Variants in HUNK observed in about 807,000 individuals in gnomAD.
HUNK encodes hormonally up-regulated Neu-associated kinase, also known as hormonally up-regulated neu tumor-associated kinase.
A neutral mutation model predicts 61.0 loss-of-function variants in HUNK; 21 were observed. The ratio of observed to expected loss-of-function variants is 0.34; its 90% CI spans 0.24 to 0.50. HUNK has a LOEUF of 0.50. Ranked by LOEUF, HUNK falls within the 20% of genes least tolerant of loss-of-function variation. HUNK has a pLI of 0.98. For synonymous variants in HUNK, 371 were observed against 386.1 expected (o/e 0.96, Z 0.46); for missense variants, 772 against 945.7 (o/e 0.82, Z 2.41).
chr21:31,973,537 G>C (rs9982084), intron 6 of HUNK, among the ~76,000 whole-genome samples: 87,089 of 151,872 alleles, frequency 0.57, 25,087 homozygotes, highest in South Asian at 0.62. Flanking sequence ...CCCTCCCCCT[G>C]ATTTCTCAGT....
intron 5 of HUNK, among the ~76,000 whole-genome samples, chr21:31,962,546 T>G (rs2052936043): frequency 6.6e-6 from 1 of 152,358 alleles, no homozygotes; most frequent in Admixed American, 6.5e-5. Context: ...TCACTGGAAT[T>G]GCTGTCCAAC....
At chr21:31,899,080 T>TG (rs2052445321) in intron 1 of HUNK, among the ~76,000 whole-genome samples, 1 of 152,168 alleles carries the variant, frequency 6.6e-6, no homozygotes, top group African/African-American at 2.4e-5. Flanking sequence ...AAACTCATTC[T>TG]GCACTTGGTG....
At chr21:31,899,422 G>A (rs1271948016) in intron 1 of HUNK, among the ~76,000 whole-genome samples, 2 of 152,028 alleles carry the variant, frequency 1.3e-5, no homozygotes, top group South Asian at 2.1e-4. Flanking sequence ...GCAAATTCGC[G>A]TGACCTTTGC....
chr21:31,975,861 T>A (rs2053045062), intron 7 of HUNK, among the ~76,000 whole-genome samples: 1 of 152,204 alleles, frequency 6.6e-6, no homozygotes, highest in Admixed American at 6.5e-5. Context: ...GTGTCTTTTG[T>A]TAGCAAATGG....
At chr21:31,890,410 G>A (rs2052378903) in intron 1 of HUNK, among the ~76,000 whole-genome samples, 1 of 152,098 alleles carries the variant, frequency 6.6e-6, no homozygotes. Context: ...TGTATTTTTA[G>A]TAGAGACGGG....
At chr21:31,956,567 T>C (rs76352862) in intron 4 of HUNK, among the ~76,000 whole-genome samples, 13,536 of 152,140 alleles carry the variant, frequency 0.089, 635 homozygotes, top group East Asian at 0.16. Context: ...GCCCTGATAC[T>C]CCTTCCCTGC....
In HUNK at chr21:32,001,027, T is replaced by G. The variant is rs2053241969; in HGVS notation, c.*1843T>G. 1 of 272,368 alleles carries G rather than the reference T, an allele frequency of 3.7e-6. No homozygotes were observed. 16.9% of individuals were successfully genotyped at this position (272,368 alleles called of 1,614,324 possible). On this transcript the variant is annotated 3_prime_UTR_variant, in exon 11 of 11. Coordinates refer to ENST00000270112, the MANE Select transcript of HUNK (RefSeq NM_014586.2). ...TGGCTCACACCTGTAATCCCAGCACTTTGGGAGGCCGAGGCAGGTGGATCG... is the reference window on the plus strand; with the variant it reads ...TGGCTCACACCTGTAATCCCAGCACGTTGGGAGGCCGAGGCAGGTGGATCG...
chr21:31,895,380 C>T (rs532374786), intron 1 of HUNK, among the ~76,000 whole-genome samples: 68 of 152,266 alleles, frequency 4.5e-4, no homozygotes, highest in African/African-American at 1.6e-3. Flanking sequence ...AAAAATTCTC[C>T]CCAGTGTTGA....
chr21:31,975,549 AT>A (rs1413202401), intron 7 of HUNK, among the ~76,000 whole-genome samples: 1 of 152,158 alleles, frequency 6.6e-6, no homozygotes, highest in Non-Finnish European at 1.5e-5. Flanking sequence ...CCTATCTGAA[AT>A]TTGACTGAGT....
chr21:31,908,638 C>T (rs1385700555), intron 1 of HUNK, among the ~76,000 whole-genome samples: 1 of 152,182 alleles, frequency 6.6e-6, no homozygotes, highest in Non-Finnish European at 1.5e-5. Flanking sequence ...AGCTGGGATT[C>T]TCAGCAAGTT....
At chr21:31,970,694 TGG>T (rs1288738766) in intron 6 of HUNK, among the ~76,000 whole-genome samples, 1 of 152,174 alleles carries the variant, frequency 6.6e-6, no homozygotes, top group Non-Finnish European at 1.5e-5. Context: ...GAAGTGGAGT[TGG>T]TGTTAGACAG....
intron 9 of HUNK, among the ~76,000 whole-genome samples, chr21:31,990,421 C>CTT (rs747180104): frequency 2.1e-5 from 3 of 141,470 alleles, no homozygotes; most frequent in Non-Finnish European, 4.6e-5. Context: ...AGACCTCATT[C>CTT]TTTTTTTTTT....
intron 1 of HUNK, among the ~76,000 whole-genome samples, chr21:31,920,990 A>G (rs1421485009): frequency 2.0e-5 from 3 of 151,948 alleles, no homozygotes; most frequent in African/African-American, 7.3e-5. Flanking sequence ...TGTCTCTACT[A>G]AAAATACAAA....
chr21:31,982,595 T>C (rs559234477), intron 7 of HUNK, among the ~76,000 whole-genome samples: 1 of 152,328 alleles, frequency 6.6e-6, no homozygotes, highest in South Asian at 2.1e-4. Context: ...ATTTATTAAC[T>C]ATTTGTTGGT....
chr21:31,875,586 G>T (rs2123783939), intron 1 of HUNK, among the ~76,000 whole-genome samples: 1 of 152,324 alleles, frequency 6.6e-6, no homozygotes, highest in South Asian at 2.1e-4. Context: ...TCGATTCGTA[G>T]TGAGCTGTCT....
chr21:31,890,528 C>T (rs1208752892), intron 1 of HUNK, among the ~76,000 whole-genome samples: 3 of 152,162 alleles, frequency 2.0e-5, no homozygotes, highest in African/African-American at 7.2e-5. Context: ...CCGCGCCTGG[C>T]CGGTAAATAT....
chr21:31,875,636 G>T (rs886941199), intron 1 of HUNK, among the ~76,000 whole-genome samples: 2 of 152,196 alleles, frequency 1.3e-5, no homozygotes, highest in African/African-American at 2.4e-5. Flanking sequence ...GCGAGGATGC[G>T]GCTAATTAGA....
chr21:31,939,008 G>A (rs1188708941), intron 2 of HUNK, among the ~76,000 whole-genome samples: 1 of 152,150 alleles, frequency 6.6e-6, no homozygotes, highest in Non-Finnish European at 1.5e-5. Flanking sequence ...GGGGTGCAAT[G>A]GGAAGCAGGG....
At chr21:31,980,439 C>T (rs1033961532) in intron 7 of HUNK, among the ~76,000 whole-genome samples, 27 of 146,382 alleles carry the variant, frequency 1.8e-4, no homozygotes, top group Non-Finnish European at 3.3e-4. Context: ...TGCAGTGGCG[C>T]GATCTTGGCT....
Sources: gnomAD v4.1 joint callset for allele counts (sites outside exome capture counted in the v4.1 genomes callset) on GRCh38, gnomAD v4.1.1 for gene constraint, MANE v1.5 for transcripts, NCBI Gene and HGNC (gene_info 2026-07-23, HGNC 2026-07-21) for gene names.